The following SCHIP1 variants were observed in gnomAD, a reference collection of about 807,000 sequenced individuals.
SCHIP1 encodes the protein schwannomin-interacting protein 1.
A neutral mutation model predicts 29.7 loss-of-function variants in SCHIP1; 8 were observed. The ratio of observed to expected loss-of-function variants is 0.27; its 90% CI spans 0.16 to 0.49. The LOEUF is 0.49. SCHIP1 is among the 20% of genes least tolerant of loss of function. The pLI, the probability that SCHIP1 is intolerant of heterozygous loss-of-function variation, is 0.99. For synonymous variants in SCHIP1, 76 were observed against 94.9 expected (o/e 0.80, Z 1.16); for missense variants, 193 against 294.6 (o/e 0.66, Z 2.52).
the SCHIP1 span, among the ~76,000 whole-genome samples, chr3:159,815,519 T>C: frequency 6.6e-6 from 1 of 152,214 alleles, no homozygotes; most frequent in Non-Finnish European, 1.5e-5. Context: ...GTGTCTGGGC[T>C]GTGGGAATAA....
chr3:159,591,794 G>A, the SCHIP1 span, among the ~76,000 whole-genome samples: 1 of 151,924 alleles, frequency 6.6e-6, no homozygotes. Flanking sequence ...GGGAGGGAGA[G>A]CATTAGGACA....
the SCHIP1 span, among the ~76,000 whole-genome samples, chr3:159,798,749 C>A: frequency 6.6e-6 from 1 of 151,924 alleles, no homozygotes; most frequent in Non-Finnish European, 1.5e-5. Flanking sequence ...CAGAGTGAGA[C>A]TCTGTCTCAA....
the SCHIP1 span, among the ~76,000 whole-genome samples, chr3:159,380,970 T>A: frequency 6.6e-6 from 1 of 152,368 alleles, no homozygotes; most frequent in South Asian, 2.1e-4. Flanking sequence ...GAGTGGTTGC[T>A]ATTTTAGTCT....
the SCHIP1 span, among the ~76,000 whole-genome samples, chr3:159,709,444 A>T: frequency 1.3e-5 from 2 of 152,036 alleles, no homozygotes; most frequent in African/African-American, 4.8e-5. Flanking sequence ...AATATTTAAT[A>T]AAAAAAGGAA....
At chr3:159,801,555 A>G in the SCHIP1 span, among the ~76,000 whole-genome samples, 66 of 152,322 alleles carry the variant, frequency 4.3e-4, no homozygotes, top group Admixed American at 1.2e-3. Context: ...AAGCAGTTCC[A>G]TAAGTGTGTG....
At chr3:159,692,882 C>CA in the SCHIP1 span, among the ~76,000 whole-genome samples, 189 of 150,234 alleles carry the variant, frequency 1.3e-3, 1 homozygote, top group Admixed American at 1.9e-3. Flanking sequence ...CATCCTGGGA[C>CA]AAAAAAAAAT....
At chr3:159,764,640 G>A in the SCHIP1 span, 4 of 1,605,474 alleles carry the variant, frequency 2.5e-6, no homozygotes, top group South Asian at 3.4e-5. The surrounding 1 kb of genome is among the most constrained non-coding windows in gnomAD (Gnocchi z 6.1). Flanking sequence ...ACCAGAAGAA[G>A]GTGATTGATG....
At chr3:159,372,976 T>C in the SCHIP1 span, among the ~76,000 whole-genome samples, 1 of 152,024 alleles carries the variant, frequency 6.6e-6, no homozygotes, top group Non-Finnish European at 1.5e-5. Flanking sequence ...TTTAGATCAT[T>C]ACTGTCAATA....
At chr3:159,471,084 A>G in the SCHIP1 span, among the ~76,000 whole-genome samples, 2 of 152,128 alleles carry the variant, frequency 1.3e-5, no homozygotes, top group African/African-American at 4.8e-5. Flanking sequence ...ATAGAAGGGT[A>G]AATTTTACTG....
chr3:159,507,812 G>C, the SCHIP1 span, among the ~76,000 whole-genome samples: 222 of 152,350 alleles, frequency 1.5e-3, 8 homozygotes, highest in South Asian at 0.045. Context: ...TCCCAGGGAT[G>C]AAGCCCACTT....
the SCHIP1 span, among the ~76,000 whole-genome samples, chr3:159,342,903 C>A: frequency 1.3e-5 from 2 of 151,812 alleles, no homozygotes; most frequent in African/African-American, 4.8e-5. Flanking sequence ...AGTTATGTAA[C>A]CATAATTAAT....
chr3:159,437,620 C>G, the SCHIP1 span, among the ~76,000 whole-genome samples: 1 of 151,846 alleles, frequency 6.6e-6, no homozygotes, highest in African/African-American at 2.4e-5. Context: ...GGAAATTCAT[C>G]TCCATTCGTC....
the SCHIP1 span, among the ~76,000 whole-genome samples, chr3:159,775,279 G>A: frequency 6.6e-6 from 1 of 152,170 alleles, no homozygotes; most frequent in Non-Finnish European, 1.5e-5. Flanking sequence ...AAGTGTGTGG[G>A]GTTGGGCTTT....
the SCHIP1 span, among the ~76,000 whole-genome samples, chr3:159,492,609 C>A: frequency 4.6e-5 from 7 of 152,108 alleles, no homozygotes; most frequent in Admixed American, 3.9e-4. Flanking sequence ...TTTGAAAAGA[C>A]CAAAACTACG....
the SCHIP1 span, among the ~76,000 whole-genome samples, chr3:159,507,923 A>G: frequency 8.2e-3 from 1,253 of 152,234 alleles, 23 homozygotes; most frequent in Admixed American, 0.044. Context: ...TTGGTCTAAA[A>G]TTCTCTTTTT....
At chr3:159,386,264 T>C in the SCHIP1 span, among the ~76,000 whole-genome samples, 6 of 152,200 alleles carry the variant, frequency 3.9e-5, no homozygotes, top group South Asian at 4.1e-4. Context: ...CCTTGAGAAA[T>C]CATCACACTG....
chr3:159,362,702 C>A, the SCHIP1 span, among the ~76,000 whole-genome samples: 1 of 152,120 alleles, frequency 6.6e-6, no homozygotes, highest in Non-Finnish European at 1.5e-5. Context: ...CCAGGATTTC[C>A]CCCCCGGCCA....
the SCHIP1 span, among the ~76,000 whole-genome samples, chr3:159,471,050 G>A: frequency 2.0e-5 from 3 of 151,998 alleles, no homozygotes; most frequent in Non-Finnish European, 4.4e-5. Flanking sequence ...GTGGTTATAT[G>A]ATTCTGTAAG....
At chr3:159,385,424 G>A in the SCHIP1 span, among the ~76,000 whole-genome samples, 1 of 152,074 alleles carries the variant, frequency 6.6e-6, no homozygotes, top group African/African-American at 2.4e-5. Context: ...AGGTATGGTG[G>A]CGTATGCCTA....
Sources: gnomAD v4.1 joint callset for allele counts (sites outside exome capture counted in the v4.1 genomes callset) on GRCh38, gnomAD v4.1.1 for gene constraint, Gnocchi (gnomAD v3.1) non-coding constraint, MANE v1.5 for transcripts, NCBI Gene and HGNC (gene_info 2026-07-23, HGNC 2026-07-21) for gene names.